BLTP2: variants seen among roughly 807,000 people sequenced by gnomAD.
BLTP2 encodes the protein bridge-like lipid transfer protein family member 2, also known as U937-associated antigen.
At chr17:28,635,114 A>C in the BLTP2 span, 1 of 1,613,886 alleles carries the variant, frequency 6.2e-7, no homozygotes, top group Non-Finnish European at 8.5e-7. Flanking sequence ...AACTCCACCG[A>C]GACTGAGCCG....
At chr17:28,643,791 A>T in the BLTP2 span, 1 of 950,436 alleles carries the variant, frequency 1.1e-6, no homozygotes, top group South Asian at 1.4e-5. Context: ...CCCATCTTAA[A>T]TTAGAACAGT....
chr17:28,632,157 T>C, the BLTP2 span: 3 of 1,614,176 alleles, frequency 1.9e-6, no homozygotes, highest in East Asian at 4.5e-5. Context: ...AGATAGGCCT[T>C]GTGACACTTG....
the BLTP2 span, chr17:28,616,138 G>A: frequency 5.7e-5 from 92 of 1,614,028 alleles, no homozygotes; most frequent in Non-Finnish European, 7.3e-5. This position sits in a 1 kb window ranked among gnomAD's most constrained non-coding sequence, Gnocchi z 4.8. Context: ...TCTTTATGTA[G>A]ATGAAGGAGT....
chr17:28,636,849 G>A, the BLTP2 span: 2 of 834,544 alleles, frequency 2.4e-6, no homozygotes, highest in Admixed American at 2.4e-5. Context: ...GACCAGTCTG[G>A]GCAACATGTG....
At chr17:28,643,229 G>A in the BLTP2 span, 1 of 1,614,136 alleles carries the variant, frequency 6.2e-7, no homozygotes, top group Non-Finnish European at 8.5e-7. Flanking sequence ...CCAGCGCTCT[G>A]GGAGAATGGG....
the BLTP2 span, chr17:28,620,896 T>C: frequency 4.0e-6 from 5 of 1,244,384 alleles, no homozygotes; most frequent in African/African-American, 6.0e-5. Flanking sequence ...CAGTGGATTT[T>C]TAATAACTCT....
chr17:28,627,568 G>A, the BLTP2 span, among the ~76,000 whole-genome samples: 5 of 152,008 alleles, frequency 3.3e-5, no homozygotes, highest in Non-Finnish European at 2.9e-5. Context: ...CACCATGCAC[G>A]GCTAATTTTT....
the BLTP2 span, chr17:28,620,561 A>G: frequency 6.2e-7 from 1 of 1,614,222 alleles, no homozygotes; most frequent in Non-Finnish European, 8.5e-7. Context: ...GTCCAGGATC[A>G]TGGCATACTG....
At chr17:28,624,485 G>T in the BLTP2 span, 1 of 1,122,166 alleles carries the variant, frequency 8.9e-7, no homozygotes, top group Non-Finnish European at 1.3e-6. Context: ...CAATTTATCT[G>T]GCTAGGTAAG....
chr17:28,644,109 AAAGCGGAAGGAG>A, the BLTP2 span: 2 of 1,614,266 alleles, frequency 1.2e-6, no homozygotes, highest in Non-Finnish European at 1.7e-6. Flanking sequence ...GGATCCAAAA[AAAGCGGAAGGAG>A]CCAATCTTTA....
the BLTP2 span, chr17:28,643,125 C>T: frequency 2.5e-6 from 4 of 1,612,446 alleles, no homozygotes; most frequent in East Asian, 8.9e-5. Context: ...GCCAACCATG[C>T]CAAAGTACAG....
the BLTP2 span, chr17:28,616,801 T>G: frequency 8.1e-6 from 13 of 1,612,414 alleles, no homozygotes; most frequent in Admixed American, 3.3e-5. This position sits in a 1 kb window ranked among gnomAD's most constrained non-coding sequence, Gnocchi z 4.8. Context: ...GATACCATCA[T>G]CAGTTTACCT....
chr17:28,614,995 C>G, the BLTP2 span: 3 of 1,456,300 alleles, frequency 2.1e-6, no homozygotes, highest in Non-Finnish European at 2.8e-6. Flanking sequence ...GGAAGCCCCT[C>G]CCACCCCACA....
the BLTP2 span, chr17:28,615,135 G>GGGC: frequency 3.1e-6 from 5 of 1,613,980 alleles, no homozygotes; most frequent in Non-Finnish European, 3.4e-6. Context: ...ATGAGGAGCC[G>GGGC]GGCTTTCTCC....
At chr17:28,643,742 T>C in the BLTP2 span, 1 of 1,338,748 alleles carries the variant, frequency 7.5e-7, no homozygotes, top group Non-Finnish European at 1.1e-6. Flanking sequence ...ATGTTCTGGA[T>C]TATTAGAATT....
chr17:28,621,312 G>C, the BLTP2 span: 1 of 1,414,984 alleles, frequency 7.1e-7, no homozygotes, highest in South Asian at 1.2e-5. Flanking sequence ...AGCATACACT[G>C]ACGTTAAGAA....
At chr17:28,627,636 T>G in the BLTP2 span, among the ~76,000 whole-genome samples, 1 of 152,138 alleles carries the variant, frequency 6.6e-6, no homozygotes, top group Non-Finnish European at 1.5e-5. Context: ...CTCGATCTCC[T>G]GACCCACCCA....
At chr17:28,615,743 T>A in the BLTP2 span, 1 of 1,614,064 alleles carries the variant, frequency 6.2e-7, no homozygotes, top group Non-Finnish European at 8.5e-7. Flanking sequence ...GTTGTGGTAC[T>A]CCAGACAGGG....
At chr17:28,643,366 A>T in the BLTP2 span, 3 of 1,599,044 alleles carry the variant, frequency 1.9e-6, no homozygotes, top group Non-Finnish European at 2.6e-6. Context: ...ATAGCAGTCT[A>T]TTCCCCACCC....
Sources: allele counts gnomAD v4.1 joint callset (sites outside exome capture counted in the v4.1 genomes callset), GRCh38; gene constraint gnomAD v4.1.1; non-coding constraint Gnocchi (gnomAD v3.1); transcripts MANE v1.5; gene names NCBI Gene and HGNC (gene_info 2026-07-23, HGNC 2026-07-21).